Variants in ARFGEF1 observed in about 807,000 individuals in gnomAD.
The protein encoded by ARFGEF1 is ARF guanine nucleotide exchange factor 1.
ARFGEF1 carries 42 observed loss-of-function variants against 231.0 expected under a neutral mutation model. That is an observed-to-expected ratio of 0.18 (90% confidence interval 0.14 to 0.24). The LOEUF is 0.24. Ranked by LOEUF, ARFGEF1 falls within the 10% of genes least tolerant of loss-of-function variation. ARFGEF1 has a pLI of 1.00. For missense variants in ARFGEF1, 1,345 were observed against 2,192.0 expected (o/e 0.61, Z 7.72); for synonymous variants, 710 against 732.3 (o/e 0.97, Z 0.49).
At position 67,198,976 on chromosome 8, in the gene ARFGEF1, T is replaced by C. The variant is rs1838211199; in HGVS notation, c.5508A>G (p.Ile1836Met). The C allele has an allele frequency of 6.2e-6, 10 of 1,613,130 alleles. No individual in the cohort carries two copies. The highest frequency in any genetic ancestry group is 8.5e-6 in the Non-Finnish European group (10 of 1,179,788). Residue 1836 changes from isoleucine (I) to methionine (M), a missense_variant, in exon 39 of 39, where the codon ATA becomes ATG. Physicochemically the swap from Ile to Met is conservative, Grantham distance 10. Around this residue, in one of 14 missense-constraint regions of ARFGEF1, gnomAD observed 161 missense variants for 284.9 expected, o/e 0.57. Coordinates refer to ENST00000262215, the MANE Select transcript of ARFGEF1 (RefSeq NM_006421.5). Reference sequence around the variant, plus strand: ...CAAGTTCCTGTTCAGGTGGTTGTGATATCTGAAAAACTACTCCGATTCGCA... The same window carrying C: ...CAAGTTCCTGTTCAGGTGGTTGTGACATCTGAAAAACTACTCCGATTCGCA... ...FFLRIGVVFQ[I>M]SQPPEQELGI...
At chr8:67,219,361 A>C in intron 30 of ARFGEF1, 70 bp downstream of exon 30, 1 of 1,507,068 alleles carries the variant, frequency 6.6e-7, no homozygotes. Context: ...GAAACACTAA[A>C]ATGTATTGAT....
At chr8:67,338,372 GAAC>G (rs1808445966) in intron 1 of ARFGEF1, among the ~76,000 whole-genome samples, 1 of 152,180 alleles carries the variant, frequency 6.6e-6, no homozygotes, top group African/African-American at 2.4e-5. Context: ...AAGTTCCAAG[GAAC>G]AACATATCCT....
chr8:67,326,063 G>A (rs1807817684), intron 1 of ARFGEF1, among the ~76,000 whole-genome samples: 1 of 152,138 alleles, frequency 6.6e-6, no homozygotes, highest in East Asian at 1.9e-4. Flanking sequence ...GCCAGGCATG[G>A]TGGCATGCAC....
intron 22 of ARFGEF1, 122 bp from the exon 23 acceptor site, chr8:67,233,067 G>T: frequency 1.2e-6 from 1 of 801,420 alleles, no homozygotes; most frequent in Non-Finnish European, 2.0e-6. Context: ...TGCTTCAGGT[G>T]AACAATTCTT....
At chr8:67,323,773 A>T (rs896329000) in intron 1 of ARFGEF1, among the ~76,000 whole-genome samples, 2 of 151,634 alleles carry the variant, frequency 1.3e-5, no homozygotes, top group Non-Finnish European at 2.9e-5. Flanking sequence ...TAACAGTCTC[A>T]CTGCCTGCAG....
chr8:67,268,558 T>A, intron 10 of ARFGEF1, among the ~76,000 whole-genome samples: 1 of 152,044 alleles, frequency 6.6e-6, no homozygotes, highest in Non-Finnish European at 1.5e-5. Flanking sequence ...GACATAATTA[T>A]CTCCGCAAAG....
chr8:67,175,463 A>G (rs750306493), downstream of ARFGEF1: 26 of 1,613,132 alleles, frequency 1.6e-5, no homozygotes, highest in African/African-American at 3.1e-4. Flanking sequence ...GCTGTGTCAA[A>G]TAGTATCAGC....
At chr8:67,283,441 AG>A (rs1167163741) in intron 7 of ARFGEF1, among the ~76,000 whole-genome samples, 1 of 152,188 alleles carries the variant, frequency 6.6e-6, no homozygotes, top group Non-Finnish European at 1.5e-5. Context: ...TGAAAAAGGC[AG>A]ATTATCAAAC....
intron 14 of ARFGEF1, among the ~76,000 whole-genome samples, chr8:67,262,731 T>C (rs777826330): frequency 2.6e-5 from 4 of 152,220 alleles, no homozygotes; most frequent in Non-Finnish European, 4.4e-5. Flanking sequence ...GGTAAGACAC[T>C]CTACAGCAAA....
intron 1 of ARFGEF1, among the ~76,000 whole-genome samples, chr8:67,330,702 A>G (rs1053449820): frequency 6.6e-5 from 10 of 152,186 alleles, no homozygotes; most frequent in African/African-American, 1.7e-4. Flanking sequence ...TTTACTCTTC[A>G]TCTTTGCAGA....
Position 67,228,046 on chromosome 8 carries a change from C to T in ARFGEF1, c.3508G>A (p.Val1170Ile). 1 of 1,608,258 alleles carries T rather than the reference C, an allele frequency of 6.2e-7. No individual in the cohort carries two copies. Among genetic ancestry groups the T allele is most frequent in the Non-Finnish European group, 8.5e-7 (1 of 1,178,308 alleles). ...HPRMFSLQKIVEISYYNMGRI... is the reference protein window; with the variant it reads ...HPRMFSLQKIIEISYYNMGRI... ...CCCATGTTGTAATATGATATTTCTA[C>T]TATTTTTTGTAGACTAAACATTCTT... is the stretch of plus-strand genomic sequence containing the variant. Residue 1170 changes from valine to isoleucine, a missense_variant, in exon 25 of 39, where the codon GTA (valine) becomes ATA (isoleucine). By Grantham distance (29) the Val-to-Ile change is conservative. Around this residue, in one of 14 missense-constraint regions of ARFGEF1, gnomAD observed 146 missense variants for 321.4 expected, o/e 0.45. Coordinates refer to ENST00000262215, the MANE Select transcript of ARFGEF1 (RefSeq NM_006421.5).
At chr8:67,317,509 C>T (rs758349363) in intron 1 of ARFGEF1, among the ~76,000 whole-genome samples, 3 of 149,768 alleles carry the variant, frequency 2.0e-5, no homozygotes, top group Non-Finnish European at 3.0e-5. Flanking sequence ...TGAATATAGA[C>T]GCAAAAATCA....
At chr8:67,192,529 A>T (rs987431418) in intron 5 of ARFGEF1, among the ~76,000 whole-genome samples, 8 of 152,152 alleles carry the variant, frequency 5.3e-5, no homozygotes, top group African/African-American at 1.4e-4. Flanking sequence ...TGAAGCACAG[A>T]AGTTTTTAAT....
In ARFGEF1 at chr8:67,302,470, A is replaced by AG. The variant is rs761402906; in HGVS notation, c.125-5dup. 4 of 1,562,704 alleles carry AG rather than the reference A, an allele frequency of 2.6e-6. No individual in the cohort carries two copies. Among genetic ancestry groups the AG allele is most frequent in the Admixed American group, 2.0e-5 (1 of 50,250 alleles). ...TCAGTTTCCGCTTTTATTTCCTCTG[A>AG]GGGGAAAAAAAAAGAAGCATACATT... is the stretch of plus-strand genomic sequence containing the variant. On this transcript the variant is annotated splice_region_variant and splice_polypyrimidine_tract_variant and intron_variant, in intron 1 of 38. Coordinates refer to ENST00000262215, the MANE Select transcript of ARFGEF1 (RefSeq NM_006421.5).
intron 7 of ARFGEF1, among the ~76,000 whole-genome samples, chr8:67,282,513 T>TA (rs1265137090): frequency 6.6e-6 from 1 of 152,116 alleles, no homozygotes; most frequent in Non-Finnish European, 1.5e-5. Context: ...AATAAAAAGA[T>TA]AATCTTAAAA....
At chr8:67,269,696 T>C (rs868584920) in intron 10 of ARFGEF1, among the ~76,000 whole-genome samples, 1 of 152,112 alleles carries the variant, frequency 6.6e-6, no homozygotes, top group African/African-American at 2.4e-5. Context: ...TTTGAAAGTA[T>C]ATCTATATTT....
At chr8:67,221,251 A>C (rs1384655760) in intron 29 of ARFGEF1, among the ~76,000 whole-genome samples, 1 of 152,212 alleles carries the variant, frequency 6.6e-6, no homozygotes, top group Non-Finnish European at 1.5e-5. Context: ...ATTTTTAAAA[A>C]GTTAATTGGA....
At chr8:67,225,871 C>G in intron 28 of ARFGEF1, 152 bp downstream of exon 28, 1 of 741,584 alleles carries the variant, frequency 1.3e-6, no homozygotes, top group Non-Finnish European at 2.1e-6. Context: ...GTTATAATCA[C>G]TAACCATCCT....
chr8:67,327,919 T>A (rs1362159369), intron 1 of ARFGEF1, among the ~76,000 whole-genome samples: 1 of 152,164 alleles, frequency 6.6e-6, no homozygotes, highest in Non-Finnish European at 1.5e-5. Flanking sequence ...CTACTTGAGT[T>A]ATTTTCATTT....
Sources: gnomAD v4.1 joint callset for allele counts (sites outside exome capture counted in the v4.1 genomes callset) on GRCh38, gnomAD v4.1.1 for gene constraint, gnomAD v4.1.1 regional missense constraint, MANE v1.5 for transcripts, NCBI Gene and HGNC (gene_info 2026-07-23, HGNC 2026-07-21) for gene names.